Variants in FAM13B observed in about 807,000 individuals in gnomAD.
FAM13B encodes the protein protein FAM13B.
In FAM13B, 60 loss-of-function variants were observed where a neutral mutation model predicts 117.3. That is an observed-to-expected ratio of 0.51 (90% CI 0.42 to 0.63). The LOEUF (loss-of-function observed/expected upper bound fraction) is 0.63, where lower values mean the gene tolerates loss of function less well. FAM13B is among the 30% of genes least tolerant of loss of function. FAM13B has a pLI of 0.00. For synonymous variants in FAM13B, 332 were observed against 356.1 expected (o/e 0.93, Z 0.76); for missense variants, 972 against 1,091.9 (o/e 0.89, Z 1.55).
In FAM13B at chr5:137,940,267, A is replaced by T; in HGVS notation, c.2772T>A (p.Leu924=). ...AATCTTGTTTGCTTATAAGAACTTC[A>T]AGAAGCCTAAGCTTGGCTTTAATTT... The part of the protein sequence containing the change: ...YKKIKAKLRL[L]EVLISKQDSS... The change falls in exon 24 of 24, where the codon CTT becomes CTA. Residue 924 remains leucine, a synonymous_variant. Transcript: ENST00000689681. 1 of 1,613,956 alleles carries T rather than the reference A, an allele frequency of 6.2e-7. No individual in the cohort carries two copies.
intron 10 of FAM13B, among the ~76,000 whole-genome samples, chr5:137,966,488 T>TAGAGAGAGAGAGAGAGAGAG (rs57142324): frequency 1.4e-4 from 4 of 29,482 alleles, no homozygotes; most frequent in Non-Finnish European, 1.8e-4. Context: ...TATATATATA[T>TAGAGAGAGAGAGAGAGAGAG]AGAGAGAGAG....
intron 10 of FAM13B, among the ~76,000 whole-genome samples, chr5:137,969,462 A>G (rs1771303128): frequency 1.3e-5 from 2 of 152,226 alleles, no homozygotes; most frequent in African/African-American, 4.8e-5. Context: ...CCATCTGTAC[A>G]TCACCATCAT....
At chr5:138,044,367 T>C (rs990534316) in intron 1 of FAM13B, among the ~76,000 whole-genome samples, 4 of 151,964 alleles carry the variant, frequency 2.6e-5, no homozygotes, top group African/African-American at 7.2e-5. Context: ...GCCTGACCAA[T>C]GTGGTGAAAC....
chr5:137,962,530 G>T, intron 10 of FAM13B, 61 bp from the exon 11 acceptor site: 1 of 1,484,324 alleles, frequency 6.7e-7, no homozygotes, highest in Non-Finnish European at 9.3e-7. Context: ...AAGAGAAGTT[G>T]CCAATCTAAA....
At chr5:138,009,228 T>G (rs1203633846) in intron 6 of FAM13B, among the ~76,000 whole-genome samples, 1 of 152,224 alleles carries the variant, frequency 6.6e-6, no homozygotes, top group Non-Finnish European at 1.5e-5. Flanking sequence ...TATAATTCGT[T>G]GTGTTTATAA....
chr5:137,940,378 C>G, intron 23 of FAM13B, 30 bp from the exon 24 acceptor site: 1 of 1,521,520 alleles, frequency 6.6e-7, no homozygotes, highest in South Asian at 1.2e-5. Flanking sequence ...TTGTAATGTT[C>G]TAGAGATCAT....
At chr5:138,020,419 G>C (rs1270656419) in intron 2 of FAM13B, among the ~76,000 whole-genome samples, 2 of 152,154 alleles carry the variant, frequency 1.3e-5, no homozygotes, top group Non-Finnish European at 1.5e-5. Flanking sequence ...TAGTTCAGAA[G>C]AAATAGTTAT....
At chr5:138,038,788 C>T (rs1181354331) in intron 1 of FAM13B, among the ~76,000 whole-genome samples, 1 of 152,214 alleles carries the variant, frequency 6.6e-6, no homozygotes, top group African/African-American at 2.4e-5. Context: ...CCCAGAATAA[C>T]CTTTGTGCCA....
intron 10 of FAM13B, among the ~76,000 whole-genome samples, chr5:137,977,504 G>A (rs905913261): frequency 2.6e-5 from 4 of 152,090 alleles, no homozygotes; most frequent in South Asian, 2.1e-4. Flanking sequence ...TGTCTCCCCC[G>A]GATGCCCAGC....
At chr5:137,962,906 CAAAG>C (rs1484978176) in intron 10 of FAM13B, among the ~76,000 whole-genome samples, 2 of 152,032 alleles carry the variant, frequency 1.3e-5, no homozygotes, top group East Asian at 3.9e-4. Context: ...CTATTTTCCA[CAAAG>C]AAAGTCCCCA....
At chr5:138,032,544 T>C (rs1195173039) in intron 1 of FAM13B, among the ~76,000 whole-genome samples, 1 of 152,068 alleles carries the variant, frequency 6.6e-6, no homozygotes, top group Non-Finnish European at 1.5e-5. Context: ...CCGCTGCAAA[T>C]CCAAGGCTGC....
intron 23 of FAM13B, 122 bp downstream of exon 23, chr5:137,941,822 A>T (rs1761943247): frequency 1.3e-6 from 1 of 784,616 alleles, no homozygotes; most frequent in South Asian, 1.8e-5. Context: ...ATGTTTTAAA[A>T]TTTTTCAGTG....
intron 7 of FAM13B, among the ~76,000 whole-genome samples, chr5:137,997,941 A>C (rs1052657455): frequency 6.6e-6 from 1 of 152,234 alleles, no homozygotes; most frequent in African/African-American, 2.4e-5. Flanking sequence ...GGCTTCCTAC[A>C]TAAGTGAACT....
chr5:137,948,963 C>A lies in FAM13B; in HGVS notation c.2152G>T (p.Asp718Tyr). The A allele has an allele frequency of 6.2e-7, 1 of 1,612,884 alleles. No homozygotes were observed. Among genetic ancestry groups the A allele is most frequent in the Non-Finnish European group, 8.5e-7 (1 of 1,179,436 alleles). ...TCATAGCTCAAGATTACCTTGATAT[C>A]TTCTGGAAGACACCTCTCAATACGT... ...EKRIERCLPE[D>Y]IKKMTKDHLV... The change falls in exon 18 of 24, where the codon GAT becomes TAT. Residue 718 changes from aspartate to tyrosine, a missense_variant. Physicochemically the swap from Asp to Tyr is radical, Grantham distance 160. Transcript: ENST00000689681.
chr5:137,950,735 A>T (rs1353426442), intron 17 of FAM13B, among the ~76,000 whole-genome samples: 1 of 152,176 alleles, frequency 6.6e-6, no homozygotes, highest in Non-Finnish European at 1.5e-5. Context: ...ACTACAGAGC[A>T]GTAAAAGTGA....
chr5:138,015,855 C>T (rs1486824874), intron 4 of FAM13B, among the ~76,000 whole-genome samples: 1 of 152,206 alleles, frequency 6.6e-6, no homozygotes, highest in Non-Finnish European at 1.5e-5. Flanking sequence ...TACTACCATA[C>T]CTAGCTGCAC....
intron 1 of FAM13B, among the ~76,000 whole-genome samples, chr5:138,048,664 G>A (rs1019937317): frequency 1.3e-5 from 2 of 152,124 alleles, no homozygotes; most frequent in East Asian, 3.8e-4. Flanking sequence ...CATGCTGGCC[G>A]ACCCCTAGGA....
intron 6 of FAM13B, among the ~76,000 whole-genome samples, chr5:138,010,105 C>G (rs530024165): frequency 2.6e-5 from 4 of 151,980 alleles, no homozygotes; most frequent in African/African-American, 9.7e-5. Flanking sequence ...CTCAGCCTCT[C>G]CAGTAGCTGG....
chr5:137,969,871 T>C (rs11242403), intron 10 of FAM13B, among the ~76,000 whole-genome samples: 112,154 of 151,886 alleles, frequency 0.74, 42,059 homozygotes, highest in East Asian at 0.97. Context: ...TGATGGAAGA[T>C]CAAATGAATG....
Sources: gnomAD v4.1 joint callset for allele counts (sites outside exome capture counted in the v4.1 genomes callset) on GRCh38, gnomAD v4.1.1 for gene constraint, MANE v1.5 for transcripts, NCBI Gene and HGNC (gene_info 2026-07-23, HGNC 2026-07-21) for gene names.